ERI1: variants seen among roughly 807,000 people sequenced by gnomAD.
ERI1 encodes 3'-5' exoribonuclease 1.
A neutral mutation model predicts 39.7 loss-of-function variants in ERI1; 39 were observed. That is an observed-to-expected ratio of 0.98 (90% CI 0.76 to 1.28). The LOEUF (loss-of-function observed/expected upper bound fraction) is 1.28. Among genes scored for constraint, ERI1 ranks in the 50% most tolerant of loss-of-function variants. ERI1 has a pLI of 0.00. For synonymous variants in ERI1, 204 were observed against 149.6 expected (o/e 1.36, Z -2.65); for missense variants, 581 against 416.9 (o/e 1.39, Z -3.43).
At chr8:9,020,546 C>G (rs1229238391) in intron 6 of ERI1, 82 bp downstream of exon 6, 9 of 854,992 alleles carry the variant, frequency 1.1e-5, no homozygotes, top group Non-Finnish European at 1.6e-5. Context: ...TTGTAATTTT[C>G]CAGGTGTTTT....
intron 3 of ERI1, among the ~76,000 whole-genome samples, chr8:9,086,138 G>A (rs1799517838): frequency 6.6e-6 from 1 of 152,210 alleles, no homozygotes; most frequent in African/African-American, 2.4e-5. Flanking sequence ...AGCGGGCCAG[G>A]TGTGGTGGCT....
At chr8:9,073,799 A>G (rs1336241944) in intron 3 of ERI1, among the ~76,000 whole-genome samples, 1 of 152,216 alleles carries the variant, frequency 6.6e-6, no homozygotes, top group Admixed American at 6.5e-5. Context: ...AAGGACTGAC[A>G]TGAAACTACA....
intron 3 of ERI1, among the ~76,000 whole-genome samples, chr8:9,050,787 A>C (rs1348884521): frequency 6.6e-6 from 1 of 152,170 alleles, no homozygotes; most frequent in East Asian, 1.9e-4. Context: ...ATCCCACCAC[A>C]ACTCCGGGCC....
chr8:9,060,636 A>G (rs1336978683), intron 3 of ERI1, among the ~76,000 whole-genome samples: 1 of 152,154 alleles, frequency 6.6e-6, no homozygotes, highest in Non-Finnish European at 1.5e-5. Context: ...GGCTGGAAGG[A>G]GATATTTTCC....
intron 6 of ERI1, among the ~76,000 whole-genome samples, chr8:9,028,023 A>G (rs938142295): frequency 6.6e-6 from 1 of 152,128 alleles, no homozygotes; most frequent in Non-Finnish European, 1.5e-5. Context: ...GGGGATATTG[A>G]TCTGTAATTT....
At chr8:9,083,164 G>A (rs1341765756) in intron 3 of ERI1, among the ~76,000 whole-genome samples, 1 of 152,202 alleles carries the variant, frequency 6.6e-6, no homozygotes, top group Admixed American at 6.5e-5. Flanking sequence ...AATGTAACAA[G>A]TGGTCACTGT....
In ERI1 at chr8:9,020,468, A is replaced by T. The variant is rs1434945130; in HGVS notation, c.807+4A>T. The T allele has an allele frequency of 6.6e-7, 1 of 1,520,730 alleles. No individual in the cohort carries two copies. The highest frequency in any genetic ancestry group is 1.2e-5 in the South Asian group (1 of 83,774). The allele number at this position is 1,520,730 out of a possible 1,614,324, so 94.2% of individuals were successfully genotyped here. A position where few individuals can be genotyped will look rare whatever the true frequency, so the allele number is the denominator to read the frequency against. On this transcript the variant is annotated splice_donor_region_variant and intron_variant, in intron 6 of 6. Coordinates refer to ENST00000250263, the MANE Select transcript of ERI1 (RefSeq NM_153332.4). The stretch of plus-strand genomic sequence containing the variant: ...GTCATATGGAAATTTTTACAAGGTA[A>T]AATTTCTATATTTAATAATTACGTG...
At chr8:9,018,742 C>G (rs950190219) in intron 5 of ERI1, among the ~76,000 whole-genome samples, 2 of 152,204 alleles carry the variant, frequency 1.3e-5, no homozygotes, top group East Asian at 3.8e-4. Flanking sequence ...CCCACGCTAC[C>G]TGTTTAATCT....
At chr8:9,087,713 C>A (rs1301948737) in intron 3 of ERI1, among the ~76,000 whole-genome samples, 2 of 152,172 alleles carry the variant, frequency 1.3e-5, no homozygotes, top group Non-Finnish European at 2.9e-5. Flanking sequence ...CTACTTTCTG[C>A]TCAAGTTGAC....
intron 4 of ERI1, among the ~76,000 whole-genome samples, chr8:9,017,662 CA>C (rs1817452088): frequency 6.6e-6 from 1 of 152,066 alleles, no homozygotes; most frequent in Non-Finnish European, 1.5e-5. Flanking sequence ...GATAGGTAGG[CA>C]GAAAAGAATG....
chr8:9,059,311 A>G (rs1798614910), intron 3 of ERI1, among the ~76,000 whole-genome samples: 1 of 152,200 alleles, frequency 6.6e-6, no homozygotes, highest in South Asian at 2.1e-4. Flanking sequence ...CAGAGGCCTG[A>G]CATTCCTGTC....
chr8:9,067,790 A>C (rs1236112025), intron 3 of ERI1, among the ~76,000 whole-genome samples: 2 of 152,180 alleles, frequency 1.3e-5, no homozygotes, highest in Non-Finnish European at 2.9e-5. Flanking sequence ...TTACACAGCT[A>C]GTCTGAGCAG....
intron 2 of ERI1, among the ~76,000 whole-genome samples, chr8:9,008,570 A>AT (rs538392994): frequency 6.6e-6 from 1 of 152,286 alleles, no homozygotes; most frequent in African/African-American, 2.4e-5. Context: ...TAACAGGAAT[A>AT]TTTTTTGTTT....
At chr8:9,083,054 G>A (rs1799417524) in intron 3 of ERI1, among the ~76,000 whole-genome samples, 1 of 152,108 alleles carries the variant, frequency 6.6e-6, no homozygotes, top group African/African-American at 2.4e-5. Context: ...AAATGTATTT[G>A]CTATTTATCT....
In ERI1 at chr8:9,003,190, C is replaced by A. The variant is rs1221508211; in HGVS notation, c.108+19C>A. 2.3e-5 allele frequency: 29 copies of A among 1,234,680 alleles called. No homozygotes were observed. The highest frequency in any genetic ancestry group is 2.9e-5 in the Non-Finnish European group (29 of 986,566). The allele number at this position is 1,234,680 out of a possible 1,614,324, so 76.5% of individuals were successfully genotyped here. A position where few individuals can be genotyped will look rare whatever the true frequency, so the allele number is the denominator to read the frequency against. ...TCCCGAGGTGAGGAGTCGACCCGCG[C>A]CTGGCTGTTGGCGCCAGCTGCCCCG... On this transcript the variant is annotated intron_variant, in intron 1 of 6. Coordinates refer to ENST00000250263, the MANE Select transcript of ERI1 (RefSeq NM_153332.4).
chr8:9,009,573 C>G (rs1029088481), intron 2 of ERI1, among the ~76,000 whole-genome samples: 1 of 152,074 alleles, frequency 6.6e-6, no homozygotes, highest in African/African-American at 2.4e-5. Flanking sequence ...CAGAGTCTTG[C>G]TCTGTCGCCA....
At chr8:9,035,033 G>C (rs1297369037), downstream of ERI1, among the ~76,000 whole-genome samples, 1 of 152,224 alleles carries the variant, frequency 6.6e-6, no homozygotes, top group African/African-American at 2.4e-5. Context: ...CTCATATTCT[G>C]TGAGGGTTGA....
chr8:9,037,782 G>A (rs565917438), downstream of ERI1, among the ~76,000 whole-genome samples: 1 of 151,504 alleles, frequency 6.6e-6, no homozygotes. Flanking sequence ...TCTGTCTCGA[G>A]TAGAAATGTT....
chr8:9,003,594 C>T (rs893733436), intron 1 of ERI1, among the ~76,000 whole-genome samples: 4 of 152,222 alleles, frequency 2.6e-5, no homozygotes, highest in African/African-American at 9.6e-5. Context: ...AAAAAGCACT[C>T]ACCAGCATCC....
Sources: allele counts gnomAD v4.1 joint callset (sites outside exome capture counted in the v4.1 genomes callset), GRCh38; gene constraint gnomAD v4.1.1; transcripts MANE v1.5; gene names NCBI Gene and HGNC (gene_info 2026-07-23, HGNC 2026-07-21).